Variants in ECT2L observed in about 807,000 individuals in gnomAD.
The protein encoded by ECT2L is epithelial cell-transforming sequence 2 oncogene-like.
In ECT2L, 126 loss-of-function variants were observed where a neutral mutation model predicts 122.8. The ratio of observed to expected loss-of-function variants is 1.03; its 90% CI spans 0.89 to 1.19. The LOEUF (loss-of-function observed/expected upper bound fraction) is 1.19. ECT2L is among the 50% of genes most tolerant of loss of function. The probability of loss-of-function intolerance (pLI) is 0.00; values close to 1 mark genes in which losing one functional copy is unlikely to be tolerated. For missense variants in ECT2L, 1,012 were observed against 1,064.1 expected (o/e 0.95, Z 0.68); for synonymous variants, 385 against 381.8 (o/e 1.01, Z -0.10).
At chr6:138,870,417 G>A (rs958410332) in intron 13 of ECT2L, 2 of 152,474 alleles carry the variant, frequency 1.3e-5, no homozygotes, top group African/African-American at 4.8e-5. Context: ...CTACTGGGAA[G>A]CTTTAACTTG....
At chr6:138,826,972 G>T (rs574752511) in intron 4 of ECT2L, among the ~76,000 whole-genome samples, 1 of 152,222 alleles carries the variant, frequency 6.6e-6, no homozygotes, top group South Asian at 2.1e-4. Context: ...GAGGCCTCCT[G>T]AGAAAACCAA....
At chr6:138,871,237 G>A (rs1188852) in intron 13 of ECT2L, among the ~76,000 whole-genome samples, 104,559 of 152,030 alleles carry the variant, frequency 0.69, 36,749 homozygotes, top group African/African-American at 0.83. Context: ...ATGTCCATAG[G>A]AAAGTCACCT....
intron 14 of ECT2L, chr6:138,879,169 T>C: frequency 3.8e-6 from 1 of 264,970 alleles, no homozygotes. Context: ...TCCGCCTCAT[T>C]GACAAGCCTT....
Position 138,889,029 on chromosome 6 carries a change from A to G in ECT2L, c.2412A>G (p.Leu804=). ...HCCDEEISFS[L]RLYEHIHDLS... ...GTGATGAAGAAATAAGTTTCTCTTT[A>G]AGGTAAACAATAGTTAACTATCCTA... The change falls in exon 20 of 22, where the codon TTA becomes TTG. Residue 804 remains leucine (L), a splice_region_variant and synonymous_variant. Coordinates refer to ENST00000541398, the MANE Select transcript of ECT2L (RefSeq NM_001077706.3). 6.5e-7 allele frequency: 1 copy of G among 1,534,590 alleles called. No individual in the cohort carries two copies. The highest frequency in any genetic ancestry group is 8.8e-7 in the Non-Finnish European group (1 of 1,132,544).
intron 5 of ECT2L, among the ~76,000 whole-genome samples, chr6:138,842,150 G>C (rs1777061226): frequency 6.6e-6 from 1 of 152,174 alleles, no homozygotes; most frequent in African/African-American, 2.4e-5. Flanking sequence ...TAGTAAGTCA[G>C]TAATAGCATT....
chr6:138,890,813 A>C (rs977746729), intron 20 of ECT2L, among the ~76,000 whole-genome samples: 3 of 151,776 alleles, frequency 2.0e-5, no homozygotes, highest in African/African-American at 7.2e-5. Flanking sequence ...TATTGTTTGA[A>C]GGCAATTTTG....
intron 4 of ECT2L, among the ~76,000 whole-genome samples, chr6:138,835,497 A>G (rs1776800882): frequency 6.6e-6 from 1 of 151,904 alleles, no homozygotes; most frequent in Non-Finnish European, 1.5e-5. Context: ...GGTTGCAGTG[A>G]ACTGAGATTG....
Position 138,854,095 on chromosome 6 carries a change from A to C in ECT2L, c.1139A>C (p.Tyr380Ser). The C allele has an allele frequency of 6.2e-7, 1 of 1,614,156 alleles. No individual in the cohort carries two copies. Among genetic ancestry groups the C allele is most frequent in the Non-Finnish European group, 8.5e-7 (1 of 1,180,024 alleles). Residue 380 changes from tyrosine to serine, a missense_variant, in exon 10 of 22, where the codon TAT becomes TCT. Tyr to Ser is a moderately radical substitution (Grantham distance 144). Transcript: ENST00000541398. ...GATTTCTGGGAGAAATTAGGAAGCT[A>C]TGTGGCCACTGAAGAAGAAGGGGGT... ...VRDFWEKLGSYVATEEEGGHV... is the reference protein window; with the variant it reads ...VRDFWEKLGSSVATEEEGGHV...
At position 138,880,916 on chromosome 6, in the gene ECT2L, C is replaced by A. The variant is rs754144334; in HGVS notation, c.1666-41C>A. 2.5e-6 allele frequency: 4 copies of A among 1,571,886 alleles called. No homozygotes were observed. In the African/African-American group the frequency reaches 5.4e-5, roughly 21 times the overall value. On this transcript the variant is annotated intron_variant, in intron 14 of 21. Coordinates refer to ENST00000541398, the MANE Select transcript of ECT2L (RefSeq NM_001077706.3). ...GCTGCCTGACTGCTCAGCACTTCTA[C>A]TTCTCCATCACTGACTTGAGTTCTT...
At chr6:138,823,488 G>A (rs1430791092) in intron 4 of ECT2L, 7 of 1,585,270 alleles carry the variant, frequency 4.4e-6, no homozygotes, top group Non-Finnish European at 5.1e-6. Context: ...AGTCGTTATA[G>A]TTTTCATTGT....
At chr6:138,802,053 C>T (rs1424467827) in intron 1 of ECT2L, among the ~76,000 whole-genome samples, 2 of 152,216 alleles carry the variant, frequency 1.3e-5, no homozygotes, top group African/African-American at 4.8e-5. Flanking sequence ...TCCATCTTGC[C>T]TGCCCGCTCT....
intron 20 of ECT2L, among the ~76,000 whole-genome samples, chr6:138,894,112 A>G (rs562819079): frequency 3.9e-5 from 6 of 152,276 alleles, no homozygotes; most frequent in African/African-American, 9.6e-5. Flanking sequence ...GCTGGAGTGC[A>G]GTGGCGCAAT....
In ECT2L at chr6:138,860,707, ATT is replaced by A. The variant is rs35611410; in HGVS notation, c.1199-1901_1199-1900del. ...TATATGTTGTGCCACTGAAGGGGCTATTTTTTTTTTTTTTTTTTTTACTTTAA... is the reference window on the plus strand; with the variant it reads ...TATATGTTGTGCCACTGAAGGGGCTATTTTTTTTTTTTTTTTTTACTTTAA... On this transcript the variant is annotated intron_variant, in intron 10 of 21. Coordinates refer to ENST00000541398, the MANE Select transcript of ECT2L (RefSeq NM_001077706.3). Among the ~76,000 whole-genome samples the A allele has an allele frequency of 4.5e-3, 611 of 135,762 alleles. 3 individuals carry two copies. The highest frequency in any genetic ancestry group is 6.6e-3 in the Non-Finnish European group (423 of 64,070). 89.1% of individuals were successfully genotyped at this position (135,762 alleles called of 152,430 possible).
At chr6:138,880,737 A>G (rs1778615479) in intron 14 of ECT2L, among the ~76,000 whole-genome samples, 1 of 152,206 alleles carries the variant, frequency 6.6e-6, no homozygotes, top group Admixed American at 6.5e-5. Context: ...TCCAAGATTA[A>G]AAGTCCCTTC....
chr6:138,826,662 C>CA (rs540381231), intron 4 of ECT2L, among the ~76,000 whole-genome samples: 70 of 151,524 alleles, frequency 4.6e-4, no homozygotes, highest in African/African-American at 1.4e-3. Flanking sequence ...CACTCCATCT[C>CA]AAAAAAAAGA....
At chr6:138,808,795 C>T (rs369164457) in intron 1 of ECT2L, among the ~76,000 whole-genome samples, 8 of 150,008 alleles carry the variant, frequency 5.3e-5, no homozygotes, top group Admixed American at 2.0e-4. Context: ...GGCGCAATCT[C>T]GACTCGCTGC....
In ECT2L at chr6:138,848,997, C is replaced by T. The variant is rs1204793869; in HGVS notation, c.904-272C>T. The stretch of plus-strand genomic sequence containing the variant: ...GTTATTTATATGTCTTTGTGCATGG[C>T]GTGCATAAAGATTAAAAGGCTGGAA... On this transcript the variant is annotated intron_variant, in intron 8 of 21. Coordinates refer to ENST00000541398, the MANE Select transcript of ECT2L (RefSeq NM_001077706.3). Among the ~76,000 whole-genome samples the T allele has an allele frequency of 5.3e-5, 8 of 151,990 alleles. No individual in the cohort carries two copies. In the East Asian group the frequency reaches 7.7e-4, roughly 15 times the overall value.
At chr6:138,805,401 G>C (rs1276340773) in intron 1 of ECT2L, among the ~76,000 whole-genome samples, 1 of 152,220 alleles carries the variant, frequency 6.6e-6, no homozygotes, top group Non-Finnish European at 1.5e-5. Flanking sequence ...ACTTTCACCA[G>C]CTGTGTGAGA....
At chr6:138,822,572 C>T (rs73557223) in intron 4 of ECT2L, among the ~76,000 whole-genome samples, 246 of 136,508 alleles carry the variant, frequency 1.8e-3, no homozygotes, top group African/African-American at 6.4e-3. Context: ...AATAAATAAA[C>T]AAACAAACAA....
Sources: allele counts gnomAD v4.1 joint callset (sites outside exome capture counted in the v4.1 genomes callset), GRCh38; gene constraint gnomAD v4.1.1; transcripts MANE v1.5; gene names NCBI Gene and HGNC (gene_info 2026-07-23, HGNC 2026-07-21).